Variants in ZFTRAF1 observed in about 807,000 individuals in gnomAD.
The protein encoded by ZFTRAF1 is zinc finger TRAF-type and ring finger containing 1, also known as zinc finger TRAF-type-containing protein 1.
At chr8:144,451,628 T>C in the ZFTRAF1 span, 79,173 of 153,828 alleles carry the variant, frequency 0.51, 20,756 homozygotes, top group Middle Eastern at 0.62. Context: ...CCGCCTGGTG[T>C]GGGCTGAGAG....
chr8:144,451,783 C>G, the ZFTRAF1 span: 1 of 179,874 alleles, frequency 5.6e-6, no homozygotes, highest in Non-Finnish European at 1.2e-5. Context: ...TCCAGTGTGC[C>G]TGCGCACGCA....
chr8:144,458,088 G>A, the ZFTRAF1 span, among the ~76,000 whole-genome samples: 1 of 152,350 alleles, frequency 6.6e-6, no homozygotes, highest in African/African-American at 2.4e-5. Flanking sequence ...CCGCGTGCTC[G>A]GCCCCTAACC....
the ZFTRAF1 span, chr8:144,452,214 C>T: frequency 1.1e-6 from 1 of 921,718 alleles, no homozygotes; most frequent in Non-Finnish European, 1.7e-6. Flanking sequence ...CCGAGGTGTC[C>T]ACCTGTCCAC....
the ZFTRAF1 span, chr8:144,450,442 G>A: frequency 2.8e-6 from 2 of 718,000 alleles, no homozygotes; most frequent in Non-Finnish European, 5.2e-6. Flanking sequence ...GCAGCTTGTT[G>A]CACTCCACGG....
At chr8:144,456,805 T>G in the ZFTRAF1 span, 3 of 133,964 alleles carry the variant, frequency 2.2e-5, no homozygotes, top group African/African-American at 5.8e-5. Context: ...TGGCATCACA[T>G]GGGGGGATGA....
chr8:144,462,813 A>G, the ZFTRAF1 span: 6 of 150,776 alleles, frequency 4.0e-5, no homozygotes, highest in Non-Finnish European at 5.9e-5. Context: ...GCGTAGCCCC[A>G]CAGCCGCCGC....
At chr8:144,452,193 T>G in the ZFTRAF1 span, 3 of 801,176 alleles carry the variant, frequency 3.7e-6, no homozygotes, top group Non-Finnish European at 6.3e-6. Flanking sequence ...GTCTCCGGCC[T>G]GTCTTCTCGA....
chr8:144,461,057 A>T, the ZFTRAF1 span, among the ~76,000 whole-genome samples: 1 of 152,152 alleles, frequency 6.6e-6, no homozygotes, highest in African/African-American at 2.4e-5. Context: ...CTGGTGCCTG[A>T]CACCCAGGAG....
chr8:144,452,336 C>T, the ZFTRAF1 span: 1 of 1,545,854 alleles, frequency 6.5e-7, no homozygotes. Flanking sequence ...GTGTGGCATG[C>T]AGCAGGCGGC....
At chr8:144,452,620 T>G in the ZFTRAF1 span, 1 of 1,496,346 alleles carries the variant, frequency 6.7e-7, no homozygotes, top group Non-Finnish European at 8.9e-7. Context: ...AACAGGAGGC[T>G]GCAACAAGCT....
At chr8:144,456,880 A>G in the ZFTRAF1 span, 1 of 150,974 alleles carries the variant, frequency 6.6e-6, no homozygotes, top group African/African-American at 2.4e-5. Context: ...GGGGGGTGAC[A>G]TCACGGAATG....
At chr8:144,458,640 G>A in the ZFTRAF1 span, among the ~76,000 whole-genome samples, 3 of 152,190 alleles carry the variant, frequency 2.0e-5, no homozygotes, top group African/African-American at 7.2e-5. Flanking sequence ...GTGGCATAGA[G>A]ACATGGGCGC....
chr8:144,451,074 GC>G, the ZFTRAF1 span: 1 of 346,324 alleles, frequency 2.9e-6, no homozygotes, highest in Non-Finnish European at 5.3e-6. Context: ...ACCGCCCCGA[GC>G]CCCGGGTGTC....
At chr8:144,455,899 G>C in the ZFTRAF1 span, 3 of 152,818 alleles carry the variant, frequency 2.0e-5, no homozygotes, top group African/African-American at 7.2e-5. Flanking sequence ...TCCCCCGAAA[G>C]CCACCCCAGC....
chr8:144,453,297 G>C, the ZFTRAF1 span: 1 of 1,551,226 alleles, frequency 6.4e-7, no homozygotes, highest in Non-Finnish European at 8.7e-7. Context: ...GCCACACTCT[G>C]AAGGCAGCTC....
At chr8:144,450,862 C>T in the ZFTRAF1 span, 1 of 609,662 alleles carries the variant, frequency 1.6e-6, no homozygotes, top group South Asian at 1.9e-5. Context: ...AGGGCAGGCT[C>T]AGCCGGGGAG....
the ZFTRAF1 span, chr8:144,452,524 G>A: frequency 6.5e-7 from 1 of 1,541,762 alleles, no homozygotes; most frequent in Non-Finnish European, 8.7e-7. Context: ...TCATGGAAGG[G>A]GCCGTGCCAT....
chr8:144,453,412 C>T, the ZFTRAF1 span: 1 of 1,551,078 alleles, frequency 6.4e-7, no homozygotes, highest in Non-Finnish European at 8.7e-7. Flanking sequence ...CGGGCATCTG[C>T]TAGTAGGTGG....
the ZFTRAF1 span, among the ~76,000 whole-genome samples, chr8:144,460,159 G>A: frequency 6.6e-6 from 1 of 152,172 alleles, no homozygotes; most frequent in Non-Finnish European, 1.5e-5. Context: ...CATTCAGGGA[G>A]GCCTGTGCCC....
Sources: gnomAD v4.1 joint callset for allele counts (sites outside exome capture counted in the v4.1 genomes callset) on GRCh38, gnomAD v4.1.1 for gene constraint, MANE v1.5 for transcripts, NCBI Gene and HGNC (gene_info 2026-07-23, HGNC 2026-07-21) for gene names.